The following GRM1 variants were observed in gnomAD, a reference collection of about 807,000 sequenced individuals.
GRM1 encodes metabotropic glutamate receptor 1.
In GRM1, 33 loss-of-function variants were observed where a neutral mutation model predicts 90.9. The ratio of observed to expected loss-of-function variants is 0.36; its 90% CI spans 0.28 to 0.49. GRM1 has a LOEUF of 0.49. GRM1 is among the 20% of genes least tolerant of loss of function. The probability of loss-of-function intolerance (pLI) is 0.99; values close to 1 mark genes in which losing one functional copy is unlikely to be tolerated. For synonymous variants in GRM1, 700 were observed against 613.2 expected (o/e 1.14, Z -2.09); for missense variants, 1,190 against 1,534.3 (o/e 0.78, Z 3.75).
intron 2 of GRM1, among the ~76,000 whole-genome samples, chr6:146,209,689 T>C (rs9497482): frequency 0.2 from 30,899 of 152,136 alleles, 6,862 homozygotes; most frequent in African/African-American, 0.56. Context: ...GACGTTATCA[T>C]TGAGATGTGA....
chr6:146,127,520 G>T (rs1170372945), intron 1 of GRM1, among the ~76,000 whole-genome samples: 4 of 152,116 alleles, frequency 2.6e-5, no homozygotes, highest in African/African-American at 9.7e-5. Flanking sequence ...TGGGTGGGAG[G>T]TCCACTTGGG....
At chr6:146,256,200 A>G (rs1781472337) in intron 2 of GRM1, among the ~76,000 whole-genome samples, 1 of 152,166 alleles carries the variant, frequency 6.6e-6, no homozygotes, top group Admixed American at 6.5e-5. Flanking sequence ...AGCACTGTAT[A>G]ATGGAAATAA....
chr6:146,288,542 G>A (rs1018014832), intron 2 of GRM1, among the ~76,000 whole-genome samples: 3 of 152,158 alleles, frequency 2.0e-5, no homozygotes, highest in Middle Eastern at 6.3e-3. Flanking sequence ...TTTTGCTCTT[G>A]TTGCCCAGAC....
In GRM1 at chr6:146,148,516, A is replaced by G. The variant is rs150528522; in HGVS notation, c.701-10832A>G. ...TTATATCATCCTTGAAAATGTTTGC[A>G]TGCATTATTTTTATAAATACATACC... On this transcript the variant is annotated intron_variant, in intron 1 of 7. Coordinates refer to ENST00000282753, the MANE Select transcript of GRM1 (RefSeq NM_001278064.2). 3.6e-3 allele frequency among the ~76,000 whole-genome samples: 555 copies of G among 152,272 alleles called. 2 individuals are homozygous for G. The highest frequency in any genetic ancestry group is 0.013 in the East Asian group (67 of 5,190).
chr6:146,302,695 A>C (rs1475255179), intron 2 of GRM1, among the ~76,000 whole-genome samples: 1 of 151,888 alleles, frequency 6.6e-6, no homozygotes, highest in Admixed American at 6.6e-5. Flanking sequence ...AGCCTCATAG[A>C]GTTTGTAATT....
intron 1 of GRM1, among the ~76,000 whole-genome samples, chr6:146,139,524 T>A (rs1776754344): frequency 6.6e-6 from 1 of 152,226 alleles, no homozygotes; most frequent in African/African-American, 2.4e-5. Flanking sequence ...TTTACAATTG[T>A]TATATCCTCT....
intron 1 of GRM1, among the ~76,000 whole-genome samples, chr6:146,082,937 G>A (rs1421580073): frequency 6.6e-6 from 1 of 152,108 alleles, no homozygotes; most frequent in Non-Finnish European, 1.5e-5. Flanking sequence ...AGTTCTCCTT[G>A]AAGAAGCCCT....
chr6:146,150,906 A>G (rs893519337), intron 1 of GRM1, among the ~76,000 whole-genome samples: 9 of 149,744 alleles, frequency 6.0e-5, no homozygotes, highest in Non-Finnish European at 8.9e-5. Flanking sequence ...GCTGAATAAT[A>G]TTCCTGTATA....
In GRM1 at chr6:146,313,471, T is replaced by C. The variant is rs1438843007; in HGVS notation, c.1186+8625T>C. 3.3e-5 allele frequency among the ~76,000 whole-genome samples: 5 copies of C among 152,206 alleles called. No individual in the cohort carries two copies. The East Asian group carries it at 7.7e-4, about 23-fold the overall frequency. On this transcript the variant is annotated intron_variant, in intron 3 of 7. Transcript: ENST00000282753. ...GAGTATCTATTTAGGTTAGTATCTA[T>C]TTAGATTGTTTCTATGGCATTTTCC... is the stretch of plus-strand genomic sequence containing the variant.
intron 2 of GRM1, among the ~76,000 whole-genome samples, chr6:146,172,182 A>G (rs1778152914): frequency 6.6e-6 from 1 of 152,160 alleles, no homozygotes; most frequent in Admixed American, 6.5e-5. Context: ...TGCCTTTTCT[A>G]CGTTCCTTGG....
At chr6:146,056,338 C>G (rs946919948) in intron 1 of GRM1, among the ~76,000 whole-genome samples, 5 of 151,958 alleles carry the variant, frequency 3.3e-5, no homozygotes, top group Admixed American at 2.6e-4. Flanking sequence ...AGAAGGTAGA[C>G]CTGCTGTTGC....
At chr6:146,358,517 G>A (rs1785678184) in intron 5 of GRM1, among the ~76,000 whole-genome samples, 2 of 152,304 alleles carry the variant, frequency 1.3e-5, no homozygotes, top group East Asian at 1.9e-4. Flanking sequence ...CAGACAGGCT[G>A]TCACGTAAAT....
chr6:146,188,679 A>G (rs1019396389), intron 2 of GRM1, among the ~76,000 whole-genome samples: 1 of 152,220 alleles, frequency 6.6e-6, no homozygotes, highest in African/African-American at 2.4e-5. Context: ...CCAAGCTTAC[A>G]GTGAATGCTG....
intron 3 of GRM1, among the ~76,000 whole-genome samples, chr6:146,315,317 A>G (rs1020792215): frequency 6.6e-6 from 1 of 152,010 alleles, no homozygotes. Flanking sequence ...AGCCCAGGAG[A>G]TCAAGGCTAC....
At position 146,434,251 on chromosome 6, in the gene GRM1, C is replaced by T. The variant is rs761033890; in HGVS notation, c.3040C>T (p.Pro1014Ser). The T allele has an allele frequency of 1.3e-6, 2 of 1,599,812 alleles. No homozygotes were observed. The highest frequency in any genetic ancestry group is 1.7e-6 in the Non-Finnish European group (2 of 1,170,720). Residue 1014 changes from proline to serine, a missense_variant, in exon 8 of 8, where the codon CCC becomes TCC. Pro to Ser is a moderately conservative substitution (Grantham distance 74). This residue lies in a region of GRM1 where 400 missense variants were observed against 360.8 expected (regional missense o/e 1.11). Coordinates refer to ENST00000282753, the MANE Select transcript of GRM1 (RefSeq NM_001278064.2). The part of the protein sequence containing the change: ...LAEPALPKGL[P>S]PPLQQQQQPP... ...CGAACCAGCCCTCCCCAAGGGCTTG[C>T]CCCCTCCTCTCCAGCAGCAGCAGCA...
At chr6:146,134,946 CAAAACA>C (rs1472613544) in intron 1 of GRM1, among the ~76,000 whole-genome samples, 31 of 152,002 alleles carry the variant, frequency 2.0e-4, no homozygotes, top group African/African-American at 7.5e-4. Context: ...CAAAACAAAA[CAAAACA>C]AAAAGAACAG....
chr6:146,106,787 T>C (rs1350045623), intron 1 of GRM1, among the ~76,000 whole-genome samples: 2 of 152,190 alleles, frequency 1.3e-5, no homozygotes, highest in African/African-American at 4.8e-5. Flanking sequence ...ATTCCTTATG[T>C]ATAAGAACTA....
intron 2 of GRM1, among the ~76,000 whole-genome samples, chr6:146,270,049 A>AT (rs943058431): frequency 2.0e-5 from 3 of 151,902 alleles, no homozygotes; most frequent in Non-Finnish European, 2.9e-5. Flanking sequence ...AAGTTTACAT[A>AT]TTTTTTGCAT....
At position 146,409,826 on chromosome 6, in the gene GRM1, C is replaced by G. The variant is rs184588205; in HGVS notation, c.2660+10127C>G. Among the ~76,000 whole-genome samples, 399 of 152,236 alleles carry G rather than the reference C, an allele frequency of 2.6e-3. 1 individual carries two copies. Among genetic ancestry groups the G allele is most frequent in the African/African-American group, 8.7e-3 (363 of 41,550 alleles). On this transcript the variant is annotated intron_variant, in intron 7 of 7. Transcript: ENST00000282753. ...TAATACTAGCCTCTATGCAAATTAT[C>G]TGTAAGATATATGAGGAATTGGCTG...
Sources: allele counts gnomAD v4.1 joint callset (sites outside exome capture counted in the v4.1 genomes callset), GRCh38; gene constraint gnomAD v4.1.1; regional missense constraint gnomAD v4.1.1; transcripts MANE v1.5; gene names NCBI Gene and HGNC (gene_info 2026-07-23, HGNC 2026-07-21).